The following SPIDR variants were observed in gnomAD, a reference collection of about 807,000 sequenced individuals.
SPIDR encodes the protein scaffold protein involved in DNA repair.
SPIDR carries 93 observed loss-of-function variants against 104.6 expected under a neutral mutation model. The observed-to-expected ratio is 0.89, with a 90% CI of 0.75 to 1.06. The LOEUF (loss-of-function observed/expected upper bound fraction) is 1.06, where lower values mean the gene tolerates loss of function less well. Among genes scored for constraint, SPIDR ranks in the 50% least tolerant of loss-of-function variants. The pLI, the probability that SPIDR is intolerant of heterozygous loss-of-function variation, is 0.00. For synonymous variants in SPIDR, 431 were observed against 416.9 expected (o/e 1.03, Z -0.41); for missense variants, 1,154 against 1,111.2 (o/e 1.04, Z -0.55).
chr8:47,584,363 A>C (rs912849874), intron 8 of SPIDR, among the ~76,000 whole-genome samples: 1 of 152,246 alleles, frequency 6.6e-6, no homozygotes, highest in Admixed American at 6.5e-5. Flanking sequence ...TTAGAGAATT[A>C]AGTATTTTCA....
At chr8:47,525,489 A>G (rs1335635188) in intron 8 of SPIDR, among the ~76,000 whole-genome samples, 4 of 152,192 alleles carry the variant, frequency 2.6e-5, no homozygotes, top group African/African-American at 9.6e-5. Context: ...AGTTTTCTGT[A>G]TGAAGAAAGA....
chr8:47,331,989 C>A (rs2048797050), intron 5 of SPIDR, among the ~76,000 whole-genome samples: 13 of 36,318 alleles, frequency 3.6e-4, no homozygotes, highest in East Asian at 1.8e-3. Context: ...TTTTTTTTCT[C>A]TTTTTTTTTT....
chr8:47,294,099 T>G (rs2040409480), intron 5 of SPIDR, 69 bp downstream of exon 5: 1 of 1,535,524 alleles, frequency 6.5e-7, no homozygotes, highest in African/African-American at 1.4e-5. Context: ...GTCATTTTTT[T>G]TTTTGTTTTT....
At chr8:47,555,965 G>GA (rs2091276501) in intron 8 of SPIDR, among the ~76,000 whole-genome samples, 1 of 152,142 alleles carries the variant, frequency 6.6e-6, no homozygotes, top group Non-Finnish European at 1.5e-5. Flanking sequence ...TAAAATAATA[G>GA]AAGCAAAAAC....
At position 47,727,360 on chromosome 8, in the gene SPIDR, A is replaced by C. The variant is rs554735943; in HGVS notation, c.2435+67A>C. The C allele has an allele frequency of 3.4e-6, 5 of 1,453,990 alleles. No individual in the cohort carries two copies. In the African/African-American group the frequency reaches 5.6e-5, roughly 16 times the overall value. The allele number at this position is 1,453,990 out of a possible 1,614,324, so 90.1% of individuals were successfully genotyped here. On this transcript the variant is annotated intron_variant, in intron 17 of 19. Coordinates refer to ENST00000297423, the MANE Select transcript of SPIDR (RefSeq NM_001080394.4). ...GGGCACAGAAGCAACCCAGCCCCAG[A>C]ACCTGGGCCTTGCTACCTCAGGTGA...
At chr8:47,661,244 A>G (rs974675358) in intron 10 of SPIDR, among the ~76,000 whole-genome samples, 2 of 152,194 alleles carry the variant, frequency 1.3e-5, no homozygotes, top group Non-Finnish European at 2.9e-5. Context: ...CACATGTCCT[A>G]CTTCTCTGTG....
intron 8 of SPIDR, among the ~76,000 whole-genome samples, chr8:47,532,879 G>C (rs1459510111): frequency 6.6e-6 from 1 of 152,134 alleles, no homozygotes; most frequent in African/African-American, 2.4e-5. Flanking sequence ...CCAAATTCTG[G>C]ACCATAAAAC....
At chr8:47,684,948 G>A (rs1484371212) in intron 11 of SPIDR, among the ~76,000 whole-genome samples, 1 of 152,196 alleles carries the variant, frequency 6.6e-6, no homozygotes. Context: ...TGGGCCGGGC[G>A]CCCATTACAC....
At chr8:47,731,141 A>G (rs2085147522) in intron 19 of SPIDR, among the ~76,000 whole-genome samples, 1 of 151,974 alleles carries the variant, frequency 6.6e-6, no homozygotes, top group Non-Finnish European at 1.5e-5. Context: ...CTGTAACCCC[A>G]GCTACTCGGG....
At chr8:47,496,989 G>A (rs1016135116) in intron 8 of SPIDR, among the ~76,000 whole-genome samples, 3 of 151,882 alleles carry the variant, frequency 2.0e-5, no homozygotes, top group African/African-American at 4.8e-5. Flanking sequence ...TTGGCTTACG[G>A]TTGCTCAGTT....
intron 8 of SPIDR, among the ~76,000 whole-genome samples, chr8:47,477,110 G>C (rs2076374999): frequency 1.3e-5 from 2 of 152,146 alleles, no homozygotes; most frequent in South Asian, 4.1e-4. Context: ...TTCCTAATGA[G>C]TAAAATGGAG....
intron 8 of SPIDR, among the ~76,000 whole-genome samples, chr8:47,571,166 G>A (rs1009275680): frequency 6.6e-6 from 1 of 152,102 alleles, no homozygotes; most frequent in South Asian, 2.1e-4. Context: ...GAAATGGAGA[G>A]ATATTAGTTA....
At chr8:47,623,215 C>T (rs929911742) in intron 10 of SPIDR, among the ~76,000 whole-genome samples, 3 of 152,280 alleles carry the variant, frequency 2.0e-5, no homozygotes, top group African/African-American at 7.2e-5. Flanking sequence ...CAGGCCTGCC[C>T]TAAAAGAGTT....
At chr8:47,351,765 A>G (rs868968533) in intron 5 of SPIDR, among the ~76,000 whole-genome samples, 1 of 152,216 alleles carries the variant, frequency 6.6e-6, no homozygotes, top group African/African-American at 2.4e-5. Flanking sequence ...TAGGCATTAT[A>G]ACTAGTCTAG....
intron 7 of SPIDR, among the ~76,000 whole-genome samples, chr8:47,427,126 A>G (rs1239405000): frequency 6.6e-6 from 1 of 152,042 alleles, no homozygotes; most frequent in Non-Finnish European, 1.5e-5. Flanking sequence ...TCTGATGATT[A>G]TGATTAAATA....
chr8:47,521,494 T>C (rs2084080132), intron 8 of SPIDR, among the ~76,000 whole-genome samples: 1 of 149,206 alleles, frequency 6.7e-6, no homozygotes, highest in Non-Finnish European at 1.5e-5. Context: ...CTCGGCTCAC[T>C]GTAACCTCCG....
At chr8:47,708,304 CA>C (rs1436012366) in intron 14 of SPIDR, among the ~76,000 whole-genome samples, 2 of 152,290 alleles carry the variant, frequency 1.3e-5, no homozygotes, top group East Asian at 1.9e-4. Flanking sequence ...GTCTCAAAAA[CA>C]AACAAACAAA....
rs762078425 is a variant in SPIDR, at chr8:47,735,419, T to A, written c.2717T>A (p.Leu906Gln). 5 of 1,614,060 alleles carry A rather than the reference T, an allele frequency of 3.1e-6. No individual in the cohort carries two copies. Among genetic ancestry groups the A allele is most frequent in the Non-Finnish European group, 3.4e-6 (4 of 1,180,034 alleles). The change falls in exon 20 of 20, where the codon CTG becomes CAG. Residue 906 changes from leucine to glutamine, a missense_variant. Leu to Gln is a moderately radical substitution (Grantham distance 113). Coordinates refer to ENST00000297423, the MANE Select transcript of SPIDR (RefSeq NM_001080394.4). ...SCIGLEEIEL[L>Q]SAGGASAEH is the part of the protein sequence containing the mutation. ...ATTGGATTGGAGGAAATCGAGCTTC[T>A]GAGTGCAGGAGGGGCCTCTGCAGAA...
At chr8:47,644,070 T>G (rs561389763) in intron 10 of SPIDR, among the ~76,000 whole-genome samples, 1 of 152,334 alleles carries the variant, frequency 6.6e-6, no homozygotes, top group South Asian at 2.1e-4. Context: ...ACCTCTGCAT[T>G]CCACCCTCAG....
Sources: gnomAD v4.1 joint callset for allele counts (sites outside exome capture counted in the v4.1 genomes callset) on GRCh38, gnomAD v4.1.1 for gene constraint, MANE v1.5 for transcripts, NCBI Gene and HGNC (gene_info 2026-07-23, HGNC 2026-07-21) for gene names.